L3MBTL4: variants seen among roughly 807,000 people sequenced by gnomAD.
L3MBTL4 encodes lethal(3)malignant brain tumor-like protein 4.
A neutral mutation model predicts 84.5 loss-of-function variants in L3MBTL4; 70 were observed. That is an observed-to-expected ratio of 0.83 (90% CI 0.68 to 1.01). L3MBTL4 has a LOEUF of 1.01. L3MBTL4 is among the 50% of genes least tolerant of loss of function. The pLI, the probability that L3MBTL4 is intolerant of heterozygous loss-of-function variation, is 0.00. For missense variants in L3MBTL4, 715 were observed against 754.8 expected (o/e 0.95, Z 0.62); for synonymous variants, 274 against 259.8 (o/e 1.05, Z -0.52).
chr18:6,302,708 G>GC (rs1377070961), intron 3 of L3MBTL4, among the ~76,000 whole-genome samples: 1 of 152,220 alleles, frequency 6.6e-6, no homozygotes, highest in African/African-American at 2.4e-5. Context: ...TTTGTGGCCA[G>GC]CCACAGTGGC....
chr18:6,192,634 G>A (rs752994833), intron 12 of L3MBTL4, among the ~76,000 whole-genome samples: 7 of 152,290 alleles, frequency 4.6e-5, no homozygotes, highest in South Asian at 2.1e-4. Context: ...ATGTGAAATC[G>A]TTATCTAGGA....
intron 1 of L3MBTL4, among the ~76,000 whole-genome samples, chr18:6,336,473 G>C (rs1362681247): frequency 6.6e-6 from 1 of 152,168 alleles, no homozygotes; most frequent in Non-Finnish European, 1.5e-5. Context: ...GCAAAGTAGA[G>C]TTTTTCTACC....
intron 17 of L3MBTL4, among the ~76,000 whole-genome samples, chr18:5,964,869 A>AT (rs1463545386): frequency 3.9e-5 from 6 of 152,192 alleles, no homozygotes; most frequent in Non-Finnish European, 2.9e-5. Context: ...CTGCCTATTC[A>AT]TTCATGAACT....
intron 4 of L3MBTL4, among the ~76,000 whole-genome samples, chr18:6,268,893 G>A (rs1006715769): frequency 6.6e-6 from 1 of 151,962 alleles, no homozygotes; most frequent in African/African-American, 2.4e-5. Context: ...TTACAATATT[G>A]AATATTAGAT....
chr18:6,074,071 GTTTT>G (rs2057778936), intron 16 of L3MBTL4, among the ~76,000 whole-genome samples: 1 of 151,416 alleles, frequency 6.6e-6, no homozygotes, highest in Non-Finnish European at 1.5e-5. Flanking sequence ...TTGTTTGTTT[GTTTT>G]GTTTTTTTGT....
chr18:6,176,543 C>T (rs1046225201), intron 12 of L3MBTL4, among the ~76,000 whole-genome samples: 1 of 151,960 alleles, frequency 6.6e-6, no homozygotes, highest in Non-Finnish European at 1.5e-5. Context: ...TCACATCACA[C>T]ATACACAAGT....
chr18:6,311,118 GTC>G (rs368782025), intron 3 of L3MBTL4, among the ~76,000 whole-genome samples: 1 of 151,430 alleles, frequency 6.6e-6, no homozygotes, highest in African/African-American at 2.4e-5. Flanking sequence ...TTTAAGATAA[GTC>G]TCTCTCTCTC....
chr18:6,339,359 C>T (rs372840504), intron 1 of L3MBTL4, among the ~76,000 whole-genome samples: 5 of 152,158 alleles, frequency 3.3e-5, no homozygotes, highest in African/African-American at 4.8e-5. Context: ...ACAGAAAATC[C>T]TCAACTGCTT....
intron 4 of L3MBTL4, among the ~76,000 whole-genome samples, chr18:6,287,723 C>A (rs1284880443): frequency 6.6e-6 from 1 of 152,208 alleles, no homozygotes; most frequent in Non-Finnish European, 1.5e-5. Context: ...CTCCTGATAT[C>A]ATTTAGTCAC....
rs76358513 is a variant in L3MBTL4 at position 6,315,526 on chromosome 18, C to T, written c.-90-3470G>A. On this transcript the variant is annotated intron_variant, in intron 1 of 18. Coordinates refer to ENST00000317931, the MANE Select transcript of L3MBTL4 (RefSeq NM_001330559.2). ...ATGTGTACCACTGTCACCCTCATTT[C>T]ACAGAAGAGGAAACACCAAGGGGTT... is the stretch of plus-strand genomic sequence containing the variant. 9.0e-3 allele frequency among the ~76,000 whole-genome samples: 1,369 copies of T among 152,296 alleles called. 15 individuals are homozygous for T. Among genetic ancestry groups the T allele is most frequent in the South Asian group, 0.043 (206 of 4,830 alleles).
chr18:6,107,510 G>T (rs1286472437), intron 14 of L3MBTL4, among the ~76,000 whole-genome samples: 2 of 152,152 alleles, frequency 1.3e-5, no homozygotes, highest in African/African-American at 4.8e-5. Flanking sequence ...GCAACAGAAG[G>T]AGTTGTTGGA....
intron 10 of L3MBTL4, among the ~76,000 whole-genome samples, chr18:6,237,525 G>A (rs946957099): frequency 2.9e-5 from 4 of 136,680 alleles, no homozygotes; most frequent in South Asian, 4.6e-4. Flanking sequence ...ACACGATCTC[G>A]GCTCACTGCA....
In L3MBTL4 at chr18:6,296,338, G is replaced by A. The variant is rs570397669; in HGVS notation, c.127+5565C>T. Among the ~76,000 whole-genome samples the A allele has an allele frequency of 6.6e-5, 10 of 152,288 alleles. No individual in the cohort carries two copies. The East Asian group carries it at 1.7e-3, about 26-fold the overall frequency. On this transcript the variant is annotated intron_variant, in intron 4 of 18. Coordinates refer to ENST00000317931, the MANE Select transcript of L3MBTL4 (RefSeq NM_001330559.2). Reference sequence around the variant, plus strand: ...AGAGCTTTAGTAAATTATGACTTCAGTATAGTAAAGGATAGATTTTATTGG... The same window carrying A: ...AGAGCTTTAGTAAATTATGACTTCAATATAGTAAAGGATAGATTTTATTGG...
At position 6,093,380 on chromosome 18, in the gene L3MBTL4, G is replaced by A. The variant is rs149134632; in HGVS notation, c.1348C>T (p.His450Tyr). The part of the protein sequence containing the change: ...SLCSLNFNGK[H>Y]EKVNSQPRLV... Reference sequence around the variant, plus strand: ...CTGGGCTGACTGTTCACCTTTTCATGTTTTCCATTGAAGTTCAAACTACAG... The same window carrying A: ...CTGGGCTGACTGTTCACCTTTTCATATTTTCCATTGAAGTTCAAACTACAG... Residue 450 changes from histidine to tyrosine, a missense_variant, in exon 15 of 19, where the codon CAT (histidine) becomes TAT (tyrosine). His to Tyr is a moderately conservative substitution (Grantham distance 83). Coordinates refer to ENST00000317931, the MANE Select transcript of L3MBTL4 (RefSeq NM_001330559.2). 8.0e-4 allele frequency: 1,285 copies of A among 1,610,452 alleles called. 2 individuals carry two copies. Among genetic ancestry groups the A allele is most frequent in the Non-Finnish European group, 9.5e-4 (1,121 of 1,179,066 alleles).
At chr18:6,335,585 C>G (rs1419552761) in intron 1 of L3MBTL4, among the ~76,000 whole-genome samples, 1 of 152,198 alleles carries the variant, frequency 6.6e-6, no homozygotes, top group African/African-American at 2.4e-5. Context: ...TGGTTTGGCT[C>G]TGTGTTCCCA....
chr18:6,341,944 T>C (rs778366339), intron 1 of L3MBTL4, among the ~76,000 whole-genome samples: 1 of 152,162 alleles, frequency 6.6e-6, no homozygotes, highest in Non-Finnish European at 1.5e-5. Flanking sequence ...TGAATGAATT[T>C]ATCAGCAGAA....
chr18:6,178,448 G>T (rs759121778), intron 12 of L3MBTL4, among the ~76,000 whole-genome samples: 10 of 152,180 alleles, frequency 6.6e-5, no homozygotes, highest in Non-Finnish European at 1.5e-4. Flanking sequence ...AGTTAATAGA[G>T]GAGACTGGCA....
chr18:6,154,346 C>T (rs1452690879), intron 13 of L3MBTL4, among the ~76,000 whole-genome samples: 1 of 152,088 alleles, frequency 6.6e-6, no homozygotes, highest in African/African-American at 2.4e-5. Context: ...CACATCAAGA[C>T]AGTCAAATAT....
At chr18:6,065,811 A>C (rs553266893) in intron 16 of L3MBTL4, among the ~76,000 whole-genome samples, 27 of 151,754 alleles carry the variant, frequency 1.8e-4, no homozygotes, top group African/African-American at 6.5e-4. Context: ...ACCAGCTCTT[A>C]GTTTCATTTA....
Sources: allele counts gnomAD v4.1 joint callset (sites outside exome capture counted in the v4.1 genomes callset), GRCh38; gene constraint gnomAD v4.1.1; transcripts MANE v1.5; gene names NCBI Gene and HGNC (gene_info 2026-07-23, HGNC 2026-07-21).